RORA: variants seen among roughly 807,000 people sequenced by gnomAD.
RORA encodes RAR related orphan receptor A.
In RORA, 7 loss-of-function variants were observed where a neutral mutation model predicts 69.5. The observed-to-expected ratio is 0.10, with a 90% CI of 0.06 to 0.19. The LOEUF is 0.19. Ranked by LOEUF, RORA falls within the 10% of genes least tolerant of loss-of-function variation. The pLI, the probability that RORA is intolerant of heterozygous loss-of-function variation, is 1.00. For missense variants in RORA, 457 were observed against 663.0 expected (o/e 0.69, Z 3.41); for synonymous variants, 261 against 240.8 (o/e 1.08, Z -0.78).
At chr15:60,847,795 T>C (rs948066105) in intron 1 of RORA, 7 of 152,218 alleles carry the variant, frequency 4.6e-5, no homozygotes, top group African/African-American at 1.7e-4. Flanking sequence ...TAATTTCAGC[T>C]GTTTCCTTTT....
chr15:61,165,486 G>T (rs908499936), intron 1 of RORA, among the ~76,000 whole-genome samples: 2 of 152,202 alleles, frequency 1.3e-5, no homozygotes, highest in African/African-American at 4.8e-5. Context: ...GCCAGTGGTT[G>T]GTGGGTTTCA....
intron 1 of RORA, among the ~76,000 whole-genome samples, chr15:61,183,289 C>T (rs994522078): frequency 6.6e-5 from 10 of 152,178 alleles, no homozygotes; most frequent in African/African-American, 1.9e-4. Context: ...TAATCCAGCA[C>T]TTTGGGAGGG....
intron 1 of RORA, among the ~76,000 whole-genome samples, chr15:60,898,974 A>C: frequency 6.6e-6 from 1 of 152,200 alleles, no homozygotes; most frequent in Non-Finnish European, 1.5e-5. Flanking sequence ...TTGAGCTTCC[A>C]GAAAGCACCC....
chr15:61,075,080 C>G (rs1380557213), intron 1 of RORA, among the ~76,000 whole-genome samples: 2 of 147,046 alleles, frequency 1.4e-5, no homozygotes, highest in Non-Finnish European at 3.0e-5. Context: ...GAGTGAGACT[C>G]TATCTCAAAA....
rs895743836 is a variant in RORA at position 60,525,710 on chromosome 15, G to A, written c.282+6056C>T. On this transcript the variant is annotated intron_variant, in intron 3 of 10. Transcript: ENST00000335670. ...TACAACTAAAAATTTGGAATTTGGG[G>A]GACTGCTGAAGTGGGTGTATGTCTA... 5.3e-5 allele frequency among the ~76,000 whole-genome samples: 8 copies of A among 152,236 alleles called. No individual in the cohort carries two copies. The East Asian group carries it at 1.5e-3, about 29-fold the overall frequency.
At chr15:60,780,808 A>C (rs929864641) in intron 1 of RORA, among the ~76,000 whole-genome samples, 1 of 152,222 alleles carries the variant, frequency 6.6e-6, no homozygotes, top group Non-Finnish European at 1.5e-5. Flanking sequence ...AGGGTGAGGC[A>C]GACACGGTCC....
intron 1 of RORA, among the ~76,000 whole-genome samples, chr15:60,755,003 C>G (rs2071777467): frequency 1.4e-5 from 2 of 144,468 alleles, no homozygotes; most frequent in Non-Finnish European, 3.0e-5. Context: ...TTTATATATA[C>G]TTTAAGTTTT....
intron 1 of RORA, among the ~76,000 whole-genome samples, chr15:60,930,282 C>A (rs1253245259): frequency 6.6e-6 from 1 of 152,122 alleles, no homozygotes; most frequent in Non-Finnish European, 1.5e-5. Flanking sequence ...TACTCCAAGT[C>A]CCTGGAGTGT....
chr15:60,517,294 T>C (rs958372216), intron 3 of RORA, among the ~76,000 whole-genome samples: 1 of 151,888 alleles, frequency 6.6e-6, no homozygotes, highest in Non-Finnish European at 1.5e-5. Context: ...GACCCTGACT[T>C]CTCACTCCTC....
intron 1 of RORA, among the ~76,000 whole-genome samples, chr15:61,035,869 A>G (rs917770595): frequency 1.3e-5 from 2 of 152,220 alleles, no homozygotes; most frequent in Non-Finnish European, 2.9e-5. Context: ...ATAGGCATTC[A>G]TTAATTCTAC....
In RORA at chr15:60,506,986, TA is replaced by T. The variant is rs201765139; in HGVS notation, c.821-1358del. 4.6e-3 allele frequency among the ~76,000 whole-genome samples: 643 copies of T among 140,626 alleles called. 1 individual carries two copies. Among genetic ancestry groups the T allele is most frequent in the East Asian group, 0.012 (61 of 4,908 alleles). The allele number at this position is 140,626 out of a possible 152,430, so 92.3% of individuals were successfully genotyped here. A position where few individuals can be genotyped will look rare whatever the true frequency, so the allele number is the denominator to read the frequency against. ...TGGGCAATAGAGCGAGACTCCCTCT[TA>T]AAAAAAAAAAAAGAAAATTATATCT... On this transcript the variant is annotated intron_variant, in intron 5 of 10. Coordinates refer to ENST00000335670, the MANE Select transcript of RORA (RefSeq NM_134261.3).
intron 2 of RORA, among the ~76,000 whole-genome samples, chr15:60,545,426 CATA>C (rs2067037926): frequency 6.6e-6 from 1 of 152,140 alleles, no homozygotes; most frequent in African/African-American, 2.4e-5. Flanking sequence ...CAAAATAAAC[CATA>C]ATATTTCTAT....
chr15:60,789,117 A>G (rs191039592), intron 1 of RORA, among the ~76,000 whole-genome samples: 2 of 152,332 alleles, frequency 1.3e-5, no homozygotes, highest in Admixed American at 1.3e-4. Context: ...AAGGAATAGA[A>G]GAGTGATTTT....
intron 1 of RORA, among the ~76,000 whole-genome samples, chr15:60,799,363 C>T (rs1431908931): frequency 6.6e-6 from 1 of 152,124 alleles, no homozygotes; most frequent in Non-Finnish European, 1.5e-5. Context: ...TTGGCGTCCT[C>T]TCAATTAGAC....
chr15:60,845,871 C>T (rs899587713), intron 1 of RORA, among the ~76,000 whole-genome samples: 2 of 152,122 alleles, frequency 1.3e-5, no homozygotes, highest in East Asian at 1.9e-4. Flanking sequence ...CTCAGCTTCC[C>T]GAGTAGCAGG....
intron 1 of RORA, among the ~76,000 whole-genome samples, chr15:60,776,538 G>A (rs531776909): frequency 1.1e-4 from 16 of 152,310 alleles, no homozygotes; most frequent in Middle Eastern, 3.4e-3. Context: ...TTAAGTACAC[G>A]TGCTCTTCTG....
At chr15:60,916,573 C>T (rs956056411) in intron 1 of RORA, among the ~76,000 whole-genome samples, 36 of 151,958 alleles carry the variant, frequency 2.4e-4, no homozygotes, top group African/African-American at 8.5e-4. Context: ...AAATAGCTTA[C>T]CACTCATCCA....
chr15:61,027,462 T>A (rs1895886460), intron 1 of RORA, among the ~76,000 whole-genome samples: 1 of 152,214 alleles, frequency 6.6e-6, no homozygotes, highest in African/African-American at 2.4e-5. Flanking sequence ...TTGTTTATTT[T>A]GTGTCATTTG....
At chr15:60,592,526 T>C in intron 2 of RORA, 1 of 1,288,538 alleles carries the variant, frequency 7.8e-7, no homozygotes, top group Non-Finnish European at 9.8e-7. Flanking sequence ...CTGCCGCAGC[T>C]GCCCGCCCGC....
Sources: gnomAD v4.1 joint callset for allele counts (sites outside exome capture counted in the v4.1 genomes callset) on GRCh38, gnomAD v4.1.1 for gene constraint, MANE v1.5 for transcripts, NCBI Gene and HGNC (gene_info 2026-07-23, HGNC 2026-07-21) for gene names.